The following NUP50 variants were observed in gnomAD, a reference collection of about 807,000 sequenced individuals.
NUP50 encodes the protein nuclear pore complex protein Nup50.
A neutral mutation model predicts 36.8 loss-of-function variants in NUP50; 14 were observed. The ratio of observed to expected loss-of-function variants is 0.38; its 90% confidence interval spans 0.25 to 0.59. The LOEUF (loss-of-function observed/expected upper bound fraction) is 0.59. Among genes scored for constraint, NUP50 ranks in the 20% least tolerant of loss-of-function variants. The probability of loss-of-function intolerance (pLI) is 0.63; values close to 1 mark genes in which losing one functional copy is unlikely to be tolerated. For synonymous variants in NUP50, 195 were observed against 210.8 expected, an observed-to-expected ratio of 0.93 and a Z score of 0.65; for missense variants, 455 against 564.6, an observed-to-expected ratio of 0.81 and a Z score of 1.97.
rs1179070481 is a variant in NUP50 at position 45,186,692 on chromosome 22, C to T, written c.*2037C>T. On this transcript the variant is annotated 3_prime_UTR_variant, in exon 8 of 8. Transcript: ENST00000347635. Reference sequence around the variant, plus strand: ...TAGGTATGTGTGGCTTCCTTTTTTCCTAACATTCCCAGCAAATTTTTGCTG... The same window carrying T: ...TAGGTATGTGTGGCTTCCTTTTTTCTTAACATTCCCAGCAAATTTTTGCTG... 3 of 152,440 alleles carry T rather than the reference C, an allele frequency of 2.0e-5. No individual in the cohort carries two copies. The highest frequency in any genetic ancestry group is 7.2e-5 in the African/African-American group (3 of 41,394). 9.4% of individuals were successfully genotyped at this position (152,440 alleles called of 1,614,324 possible). A position where few individuals can be genotyped will look rare whatever the true frequency, so the allele number is the denominator to read the frequency against.
At chr22:45,164,927 G>A (rs2074071588) in intron 1 of NUP50, 1 of 152,198 alleles carries the variant, frequency 6.6e-6, no homozygotes, top group Admixed American at 6.5e-5. Context: ...CATTTGCTCG[G>A]TTCCATTAAG....
intron 6 of NUP50, 143 bp from the exon 7 acceptor site, chr22:45,183,259 G>C: frequency 1.7e-6 from 1 of 582,924 alleles, no homozygotes; most frequent in Non-Finnish European, 3.1e-6. Flanking sequence ...GGCTCTGTTT[G>C]GATCAATTAA....
Position 45,183,478 on chromosome 22 carries a change from A to C in NUP50, c.1162A>C (p.Asn388His). 1 of 1,612,476 alleles carries C rather than the reference A, an allele frequency of 6.2e-7. No homozygotes were observed. The highest frequency in any genetic ancestry group is 1.1e-5 in the South Asian group (1 of 91,040). The change falls in exon 7 of 8, where the codon AAT becomes CAT. Residue 388 changes from asparagine (N) to histidine (H), a missense_variant. Physicochemically the swap from Asn to His is moderately conservative, Grantham distance 68 (BLOSUM62 1). Coordinates refer to ENST00000347635, the MANE Select transcript of NUP50 (RefSeq NM_007172.4). ...IGTLHLKPTA[N>H]QKTQLLVRAD... ...TACTCTGCATTTAAAACCTACAGCA[A>C]ATCAGAAGACACAGCTTTTGGTGCG... is the stretch of plus-strand genomic sequence containing the variant.
chr22:45,184,336 G>C (rs2074433858), intron 7 of NUP50, 117 bp from the exon 8 acceptor site: 1 of 939,002 alleles, frequency 1.1e-6, no homozygotes, highest in Admixed American at 2.3e-5. Context: ...TGTCCTGTTG[G>C]CTCCCTGTCT....
At chr22:45,167,808 GA>G (rs2074118577) in intron 1 of NUP50, among the ~76,000 whole-genome samples, 1 of 152,166 alleles carries the variant, frequency 6.6e-6, no homozygotes, top group African/African-American at 2.4e-5. Context: ...TATATGCGTA[GA>G]ATAAGTTAAG....
At position 45,184,640 on chromosome 22, in the gene NUP50, G is replaced by T; in HGVS notation, c.1392G>T (p.Glu464Asp). Residue 464 changes from glutamate to aspartate, a missense_variant, in exon 8 of 8, where the codon GAG (glutamate) becomes GAT (aspartate). Coordinates refer to ENST00000347635, the MANE Select transcript of NUP50 (RefSeq NM_007172.4). ...ACGAGTTGCACAAAATTTTACTGGA[G>T]AAAAAGGATGCCTGAACACGCAAAG... ...DADELHKILLEKKDA is the reference protein window; with the variant it reads ...DADELHKILLDKKDA The T allele has an allele frequency of 6.2e-7, 1 of 1,612,170 alleles. No homozygotes were observed. Among genetic ancestry groups the T allele is most frequent in the Non-Finnish European group, 8.5e-7 (1 of 1,178,848 alleles).
At position 45,185,718 on chromosome 22, in the gene NUP50, T is replaced by G. The variant is rs1286213680; in HGVS notation, c.*1063T>G. The G allele has an allele frequency of 2.0e-5, 3 of 152,256 alleles. No individual in the cohort carries two copies. The highest frequency in any genetic ancestry group is 2.9e-5 in the Non-Finnish European group (2 of 68,042). The allele number at this position is 152,256 out of a possible 1,614,324, so 9.4% of individuals were successfully genotyped here. A position where few individuals can be genotyped will look rare whatever the true frequency, so the allele number is the denominator to read the frequency against. ...TATCTTTACTTTTTTAAGAGTAAGA[T>G]TCCATATGTCTGTCTGGAAGGGAGC... On this transcript the variant is annotated 3_prime_UTR_variant, in exon 8 of 8. Coordinates refer to ENST00000347635, the MANE Select transcript of NUP50 (RefSeq NM_007172.4).
rs547151492 is a variant in NUP50, at chr22:45,187,961, C to T, written c.*3306C>T. On this transcript the variant is annotated 3_prime_UTR_variant, in exon 8 of 8. Coordinates refer to ENST00000347635, the MANE Select transcript of NUP50 (RefSeq NM_007172.4). ...TGTATTAGTTTTTGAATGCTCCCAT[C>T]GAGGAAGTGTAACAATCCATGAAAT... is the stretch of plus-strand genomic sequence containing the variant. The T allele has an allele frequency of 2.6e-5, 4 of 152,732 alleles. No homozygotes were observed. The East Asian group carries it at 5.8e-4, about 22-fold the overall frequency. The allele number at this position is 152,732 out of a possible 1,614,324, so 9.5% of individuals were successfully genotyped here. A position where few individuals can be genotyped will look rare whatever the true frequency, so the allele number is the denominator to read the frequency against.
Position 45,164,163 on chromosome 22 carries a change from T to A in NUP50, c.-144T>A, listed in dbSNP as rs990525544. ...TTGCCGAGCACTAAGTCCTCTGAGT[T>A]CCGCAGCGCAGCACCGGAAGCGGCC... On this transcript the variant is annotated 5_prime_UTR_variant, in exon 1 of 8. Transcript: ENST00000347635. 2 of 152,226 alleles carry A rather than the reference T, an allele frequency of 1.3e-5. No individual in the cohort carries two copies. The highest frequency in any genetic ancestry group is 2.4e-5 in the African/African-American group (1 of 41,416). 9.4% of individuals were successfully genotyped at this position (152,226 alleles called of 1,614,324 possible). A position where few individuals can be genotyped will look rare whatever the true frequency, so the allele number is the denominator to read the frequency against.
At chr22:45,170,283 A>G (rs999564327) in intron 2 of NUP50, among the ~76,000 whole-genome samples, 1 of 151,430 alleles carries the variant, frequency 6.6e-6, no homozygotes, top group Non-Finnish European at 1.5e-5. Context: ...TTTTCTCTTT[A>G]TCTCTTTGTC....
intron 6 of NUP50, among the ~76,000 whole-genome samples, chr22:45,182,623 GT>G (rs550478534): frequency 0.18 from 16,839 of 95,294 alleles, 712 homozygotes; most frequent in East Asian, 0.45. Flanking sequence ...CTTGAGGTTT[GT>G]TTTTTTTTTT....
rs1479231182 is a variant in NUP50 at position 45,181,267 on chromosome 22, A to G, written c.1004-19A>G. 1 of 1,556,952 alleles carries G rather than the reference A, an allele frequency of 6.4e-7. No individual in the cohort carries two copies. The highest frequency in any genetic ancestry group is 8.7e-7 in the Non-Finnish European group (1 of 1,145,582). On this transcript the variant is annotated intron_variant, in intron 5 of 7. Coordinates refer to ENST00000347635, the MANE Select transcript of NUP50 (RefSeq NM_007172.4). Reference sequence around the variant, plus strand: ...CTCTGGATTGGAATCTTACTGAATTATTGTCATTTTTATAAAAGGTGGAGA... The same window carrying G: ...CTCTGGATTGGAATCTTACTGAATTGTTGTCATTTTTATAAAAGGTGGAGA...
intron 2 of NUP50, among the ~76,000 whole-genome samples, chr22:45,169,275 C>T (rs1236554572): frequency 2.0e-5 from 3 of 152,014 alleles, no homozygotes; most frequent in Non-Finnish European, 4.4e-5. Context: ...GAAGCTGAGG[C>T]GGGAGGTTTG....
At chr22:45,165,183 C>T (rs979476393) in intron 1 of NUP50, among the ~76,000 whole-genome samples, 6 of 152,170 alleles carry the variant, frequency 3.9e-5, no homozygotes, top group African/African-American at 1.4e-4. Flanking sequence ...TGCTTCATAC[C>T]TAGAAATCAT....
chr22:45,183,677 A>G, intron 7 of NUP50, 157 bp downstream of exon 7: 1 of 605,686 alleles, frequency 1.7e-6, no homozygotes, highest in Non-Finnish European at 3.0e-6. Flanking sequence ...GTCCCAGGAT[A>G]ATAGTGTGTA....
intron 2 of NUP50, 139 bp downstream of exon 2, chr22:45,168,385 A>G (rs2074128619): frequency 1.6e-6 from 1 of 634,022 alleles, no homozygotes; most frequent in Non-Finnish European, 2.8e-6. Flanking sequence ...AAGAAATTAT[A>G]TGACCTGTAC....
intron 2 of NUP50, chr22:45,171,198 T>C (rs2074188035): frequency 8.9e-7 from 1 of 1,128,990 alleles, no homozygotes; most frequent in African/African-American, 1.7e-5. Flanking sequence ...AATAACAAAA[T>C]TTATTTATTT....
At position 45,176,017 on chromosome 22, in the gene NUP50, A is replaced by G. The variant is rs776171894; in HGVS notation, c.277A>G (p.Asn93Asp). Reference sequence around the variant, plus strand: ...TTTGGAAGGACTGTCGAATGGAAACAACATAACCAGTGCCCCTCCCTTCGC... The same window carrying G: ...TTTGGAAGGACTGTCGAATGGAAACGACATAACCAGTGCCCCTCCCTTCGC... Reference protein sequence around the residue: ...KPLEGLSNGNNITSAPPFASA... With the variant: ...KPLEGLSNGNDITSAPPFASA... The change falls in exon 4 of 8, where the codon AAC (asparagine) becomes GAC (aspartate). Residue 93 changes from asparagine (N) to aspartate (D), a missense_variant. Asn to Asp is a conservative substitution (Grantham distance 23). Transcript: ENST00000347635. The G allele has an allele frequency of 8.7e-6, 14 of 1,614,042 alleles. No individual in the cohort carries two copies. The highest frequency in any genetic ancestry group is 2.5e-6 in the Non-Finnish European group (3 of 1,180,034).
chr22:45,166,957 C>T (rs1268482324), intron 1 of NUP50, among the ~76,000 whole-genome samples: 3 of 152,024 alleles, frequency 2.0e-5, no homozygotes, highest in Non-Finnish European at 4.4e-5. Context: ...AGCTGACAGC[C>T]CGTATGTAAT....
Sources: gnomAD v4.1 joint callset for allele counts (sites outside exome capture counted in the v4.1 genomes callset) on GRCh38, gnomAD v4.1.1 for gene constraint, MANE v1.5 for transcripts, NCBI Gene and HGNC (gene_info 2026-07-23, HGNC 2026-07-21) for gene names.